KCNAB1: variants seen among roughly 807,000 people sequenced by gnomAD.
The protein encoded by KCNAB1 is potassium voltage-gated channel subfamily A regulatory beta subunit 1.
KCNAB1 carries 35 observed loss-of-function variants against 64.6 expected under a neutral mutation model. The ratio of observed to expected loss-of-function variants is 0.54; its 90% CI spans 0.41 to 0.72. The LOEUF (loss-of-function observed/expected upper bound fraction) is 0.72. Among genes scored for constraint, KCNAB1 ranks in the 30% least tolerant of loss-of-function variants. The probability of loss-of-function intolerance (pLI) is 0.00; values close to 1 mark genes in which losing one functional copy is unlikely to be tolerated. For synonymous variants in KCNAB1, 177 were observed against 183.8 expected (o/e 0.96, Z 0.30); for missense variants, 401 against 512.9 (o/e 0.78, Z 2.11).
chr3:156,175,242 A>T (rs1467642103), intron 1 of KCNAB1, among the ~76,000 whole-genome samples: 1 of 152,200 alleles, frequency 6.6e-6, no homozygotes, highest in Non-Finnish European at 1.5e-5. Context: ...CAGTTACTAA[A>T]TAAAAAAAAA....
chr3:156,304,285 A>T (rs1299865844), intron 1 of KCNAB1, among the ~76,000 whole-genome samples: 1 of 152,198 alleles, frequency 6.6e-6, no homozygotes, highest in Non-Finnish European at 1.5e-5. Context: ...CTTTATGCTG[A>T]TTACCTCATG....
rs549781026 is a variant in KCNAB1, at chr3:156,302,202, C to A, written c.276-119414C>A. 3.9e-5 allele frequency among the ~76,000 whole-genome samples: 6 copies of A among 152,218 alleles called. No homozygotes were observed. In the East Asian group the frequency reaches 9.7e-4, roughly 25 times the overall value. ...TTTTTTTCTCACTTCGATTCTCCTGCCTGCCTCTTAAAGGACTGCTGTGAT... is the reference window on the plus strand; with the variant it reads ...TTTTTTTCTCACTTCGATTCTCCTGACTGCCTCTTAAAGGACTGCTGTGAT... On this transcript the variant is annotated intron_variant, in intron 1 of 13. Transcript: ENST00000490337.
intron 1 of KCNAB1, among the ~76,000 whole-genome samples, chr3:156,282,943 T>C (rs1367110159): frequency 3.3e-5 from 5 of 151,712 alleles, no homozygotes; most frequent in Middle Eastern, 3.4e-3. Flanking sequence ...TGTCTTTTAA[T>C]TGGAGCATTT....
chr3:156,486,843 G>T (rs1278880446), intron 8 of KCNAB1, among the ~76,000 whole-genome samples: 2 of 152,158 alleles, frequency 1.3e-5, no homozygotes, highest in African/African-American at 4.8e-5. Context: ...AAGTTTGATT[G>T]AGATTGTTGG....
chr3:156,299,428 C>T (rs1329498238), intron 1 of KCNAB1, among the ~76,000 whole-genome samples: 1 of 152,236 alleles, frequency 6.6e-6, no homozygotes, highest in East Asian at 1.9e-4. Flanking sequence ...CATAAATTAA[C>T]TTCCAGATGA....
At chr3:156,383,180 CAGAG>C (rs977961498) in intron 1 of KCNAB1, among the ~76,000 whole-genome samples, 1 of 152,204 alleles carries the variant, frequency 6.6e-6, no homozygotes, top group Non-Finnish European at 1.5e-5. Context: ...GCAGAGCTCT[CAGAG>C]AGAGCAGCTA....
At chr3:156,397,766 C>G (rs908161849) in intron 1 of KCNAB1, among the ~76,000 whole-genome samples, 3 of 152,136 alleles carry the variant, frequency 2.0e-5, no homozygotes, top group Admixed American at 6.5e-5. Context: ...TCTACTCATT[C>G]TTTTTGCCAC....
At chr3:156,498,222 AGAT>A (rs1432823423) in intron 8 of KCNAB1, among the ~76,000 whole-genome samples, 1 of 152,194 alleles carries the variant, frequency 6.6e-6, no homozygotes, top group Non-Finnish European at 1.5e-5. Context: ...ACAATGTTGA[AGAT>A]GATGCCCACA....
chr3:156,224,275 G>A (rs541614404), intron 1 of KCNAB1, among the ~76,000 whole-genome samples: 81 of 152,350 alleles, frequency 5.3e-4, no homozygotes, highest in Admixed American at 2.5e-3. Flanking sequence ...CGCAAGCACC[G>A]CACGCAGCCC....
intron 1 of KCNAB1, among the ~76,000 whole-genome samples, chr3:156,207,518 G>A (rs1238639781): frequency 6.6e-6 from 1 of 152,144 alleles, no homozygotes; most frequent in Non-Finnish European, 1.5e-5. Context: ...TAATTTGAGT[G>A]TGCCATCTGT....
At position 156,254,896 on chromosome 3, in the gene KCNAB1, G is replaced by A. The variant is rs370199924; in HGVS notation, c.275+134010G>A. ...TTAGGTAATATACCGTATAAAGCAG[G>A]CAGACTGATTTTGTTTCTTTTCATT... is the stretch of plus-strand genomic sequence containing the variant. On this transcript the variant is annotated intron_variant, in intron 1 of 13. Coordinates refer to ENST00000490337, the MANE Select transcript of KCNAB1 (RefSeq NM_172160.3). Among the ~76,000 whole-genome samples, 6 of 152,222 alleles carry A rather than the reference G, an allele frequency of 3.9e-5. No individual in the cohort carries two copies. In the East Asian group the frequency reaches 9.6e-4, roughly 24 times the overall value.
intron 1 of KCNAB1, among the ~76,000 whole-genome samples, chr3:156,328,125 A>G (rs80134992): frequency 0.016 from 2,455 of 152,266 alleles, 72 homozygotes; most frequent in African/African-American, 0.057. Context: ...GGACAAAGAA[A>G]CAAAGACACA....
intron 1 of KCNAB1, among the ~76,000 whole-genome samples, chr3:156,147,172 C>T (rs1715086271): frequency 6.6e-6 from 1 of 152,126 alleles, no homozygotes; most frequent in African/African-American, 2.4e-5. Context: ...TGCTTTCCAG[C>T]AGCATTAAAT....
intron 1 of KCNAB1, among the ~76,000 whole-genome samples, chr3:156,377,013 T>A (rs561391299): frequency 5.5e-4 from 83 of 152,160 alleles, no homozygotes; most frequent in Non-Finnish European, 1.0e-3. Flanking sequence ...TAACCATTGG[T>A]TTTCAGAATG....
At chr3:156,408,575 T>A (rs1409456483) in intron 1 of KCNAB1, among the ~76,000 whole-genome samples, 3 of 152,010 alleles carry the variant, frequency 2.0e-5, no homozygotes, top group Non-Finnish European at 2.9e-5. Flanking sequence ...AGGTCAAGAG[T>A]TCGAGACCAG....
At chr3:156,472,197 C>G (rs1304484384) in intron 7 of KCNAB1, among the ~76,000 whole-genome samples, 1 of 152,174 alleles carries the variant, frequency 6.6e-6, no homozygotes, top group African/African-American at 2.4e-5. Context: ...CTTATTTACT[C>G]TAATCTCCAC....
At chr3:156,219,549 G>A (rs564284101) in intron 1 of KCNAB1, among the ~76,000 whole-genome samples, 13 of 152,120 alleles carry the variant, frequency 8.5e-5, no homozygotes, top group African/African-American at 2.9e-4. Context: ...GGGAATAATT[G>A]AGGAAAACTT....
chr3:156,152,891 G>A (rs776880152), intron 1 of KCNAB1, among the ~76,000 whole-genome samples: 20 of 152,110 alleles, frequency 1.3e-4, no homozygotes, highest in Admixed American at 3.9e-4. Flanking sequence ...GTTAACTCTC[G>A]TTGTAACTTC....
At chr3:156,225,131 A>G (rs1716069961) in intron 1 of KCNAB1, among the ~76,000 whole-genome samples, 1 of 152,200 alleles carries the variant, frequency 6.6e-6, no homozygotes, top group Non-Finnish European at 1.5e-5. Context: ...AGAAAACTAC[A>G]GACCAATATC....
Sources: gnomAD v4.1 joint callset for allele counts (sites outside exome capture counted in the v4.1 genomes callset) on GRCh38, gnomAD v4.1.1 for gene constraint, MANE v1.5 for transcripts, NCBI Gene and HGNC (gene_info 2026-07-23, HGNC 2026-07-21) for gene names.